Variants in ARIH2 observed in about 807,000 individuals in gnomAD.
ARIH2 encodes E3 ubiquitin-protein ligase ARIH2.
In ARIH2, 12 loss-of-function variants were observed where a neutral mutation model predicts 79.8. The ratio of observed to expected loss-of-function variants is 0.15; its 90% CI spans 0.10 to 0.24. ARIH2 has a LOEUF of 0.24. Among genes scored for constraint, ARIH2 ranks in the 10% least tolerant of loss-of-function variants. The pLI is 1.00. For synonymous variants in ARIH2, 224 were observed against 213.9 expected (o/e 1.05, Z -0.41); for missense variants, 301 against 618.3 (o/e 0.49, Z 5.44).
chr3:48,967,144 C>T lies in ARIH2; in HGVS notation c.407C>T (p.Pro136Leu). Reference protein sequence around the residue: ...PSKHVPTSHPPHHCAVCMQFV... With the variant: ...PSKHVPTSHPLHHCAVCMQFV... ...CTCCAGGTTCCCACATCCCATCCCCCTCACCACTGTGCAGTGTGTATGCAG... is the reference window on the plus strand; with the variant it reads ...CTCCAGGTTCCCACATCCCATCCCCTTCACCACTGTGCAGTGTGTATGCAG... Residue 136 changes from proline (P) to leucine (L), a missense_variant, in exon 6 of 16, where the codon CCT (proline) becomes CTT (leucine). By Grantham distance (98) the Pro-to-Leu change is moderately conservative. This residue lies in a region of ARIH2 where 223 missense variants were observed against 349.4 expected (regional missense o/e 0.64). Coordinates refer to ENST00000356401, the MANE Select transcript of ARIH2 (RefSeq NM_006321.4). 6.2e-7 allele frequency: 1 copy of T among 1,614,044 alleles called. No individual in the cohort carries two copies. Among genetic ancestry groups the T allele is most frequent in the Non-Finnish European group, 8.5e-7 (1 of 1,179,962 alleles).
intron 11 of ARIH2, among the ~76,000 whole-genome samples, chr3:48,977,910 C>T (rs1164520118): frequency 6.6e-6 from 1 of 152,092 alleles, no homozygotes; most frequent in African/African-American, 2.4e-5. Flanking sequence ...ATTCAAGAGC[C>T]TCATTTTTGG....
At chr3:48,956,943 C>T (rs190599855) in intron 3 of ARIH2, among the ~76,000 whole-genome samples, 3 of 151,938 alleles carry the variant, frequency 2.0e-5, no homozygotes, top group Non-Finnish European at 2.9e-5. Context: ...AAACTCCTGA[C>T]GTCAAGTGAT....
intron 3 of ARIH2, among the ~76,000 whole-genome samples, chr3:48,933,699 G>A (rs1202278430): frequency 6.6e-6 from 1 of 151,588 alleles, no homozygotes; most frequent in African/African-American, 2.4e-5. Context: ...ACAGGTGCCC[G>A]CCACCACACC....
intron 14 of ARIH2, 66 bp downstream of exon 14, chr3:48,981,794 T>C (rs373017282): frequency 1.5e-6 from 2 of 1,363,202 alleles, no homozygotes. Flanking sequence ...TACCAGCACT[T>C]TGCAGGAGAG....
chr3:48,959,098 C>T (rs1287004413), intron 3 of ARIH2, among the ~76,000 whole-genome samples: 1 of 151,828 alleles, frequency 6.6e-6, no homozygotes, highest in East Asian at 1.9e-4. Context: ...GGGTGGATCA[C>T]GAGGTCAGGA....
In ARIH2 at chr3:48,961,646, A is replaced by G. The variant is rs1185909845; in HGVS notation, c.290A>G (p.Asn97Ser). 6.2e-7 allele frequency: 1 copy of G among 1,610,822 alleles called. No individual in the cohort carries two copies. The highest frequency in any genetic ancestry group is 1.7e-5 in the Admixed American group (1 of 60,010). Residue 97 changes from asparagine to serine, a missense_variant, in exon 4 of 16, where the codon AAT (asparagine) becomes AGT (serine). By Grantham distance (46) the Asn-to-Ser change is conservative. Coordinates refer to ENST00000356401, the MANE Select transcript of ARIH2 (RefSeq NM_006321.4). Reference sequence around the variant, plus strand: ...TCAGTTGCTAAACTTATATTAGTTAATTTCCACTGGCAAGTTTCAGAGATA... The same window carrying G: ...TCAGTTGCTAAACTTATATTAGTTAGTTTCCACTGGCAAGTTTCAGAGATA... ...SHSVAKLILV[N>S]FHWQVSEILD...
chr3:48,930,101 C>A (rs1388425368), intron 3 of ARIH2, among the ~76,000 whole-genome samples: 1 of 152,112 alleles, frequency 6.6e-6, no homozygotes, highest in Non-Finnish European at 1.5e-5. Flanking sequence ...CATTTACTTT[C>A]TGGGGCTGGG....
At chr3:48,960,486 G>A (rs1015811395) in intron 3 of ARIH2, among the ~76,000 whole-genome samples, 1 of 151,104 alleles carries the variant, frequency 6.6e-6, no homozygotes, top group Non-Finnish European at 1.5e-5. Flanking sequence ...AAACCTGGCC[G>A]GGCACAATGG....
intron 5 of ARIH2, among the ~76,000 whole-genome samples, chr3:48,965,268 G>A (rs2091671236): frequency 6.6e-6 from 1 of 152,080 alleles, no homozygotes; most frequent in Non-Finnish European, 1.5e-5. Flanking sequence ...GCTAAGGCAG[G>A]AGAAAGGCGT....
intron 3 of ARIH2, among the ~76,000 whole-genome samples, chr3:48,957,991 G>A (rs1274493750): frequency 1.3e-5 from 2 of 152,180 alleles, no homozygotes; most frequent in Non-Finnish European, 2.9e-5. Context: ...TGGGATTACA[G>A]GTGTGAGCCA....
intron 3 of ARIH2, among the ~76,000 whole-genome samples, chr3:48,954,117 C>T (rs954764311): frequency 1.3e-5 from 2 of 151,548 alleles, no homozygotes; most frequent in Admixed American, 1.3e-4. Flanking sequence ...ACCAAGATCG[C>T]GCCATTGCAT....
At chr3:48,952,150 C>G (rs1485951311) in intron 3 of ARIH2, among the ~76,000 whole-genome samples, 1 of 152,112 alleles carries the variant, frequency 6.6e-6, no homozygotes, top group East Asian at 1.9e-4. Flanking sequence ...TTATTCAGTT[C>G]AAAACATTTT....
intron 3 of ARIH2, among the ~76,000 whole-genome samples, chr3:48,941,607 T>TG (rs1465857638): frequency 6.6e-5 from 10 of 150,764 alleles, no homozygotes; most frequent in Middle Eastern, 3.4e-3. Context: ...TTTTTTTTTT[T>TG]TTGGAGATGG....
rs576538446 is a variant in ARIH2, at chr3:48,966,535, T to C, written c.388-590T>C. ...TCCACATCCCCCCCGCCAATATTAATTACATGTGACATCTGGTGTATTAAG... is the reference window on the plus strand; with the variant it reads ...TCCACATCCCCCCCGCCAATATTAACTACATGTGACATCTGGTGTATTAAG... On this transcript the variant is annotated intron_variant, in intron 5 of 15. Transcript: ENST00000356401. Among the ~76,000 whole-genome samples, 195 of 152,260 alleles carry C rather than the reference T, an allele frequency of 1.3e-3. 1 individual carries two copies. The highest frequency in any genetic ancestry group is 4.5e-3 in the African/African-American group (188 of 41,562).
At chr3:48,971,783 C>T (rs938305343) in intron 8 of ARIH2, among the ~76,000 whole-genome samples, 5 of 152,180 alleles carry the variant, frequency 3.3e-5, no homozygotes, top group Admixed American at 2.6e-4. Context: ...TTAAATCCGG[C>T]AGCCCCCAGG....
intron 3 of ARIH2, among the ~76,000 whole-genome samples, chr3:48,956,927 G>A (rs1201986045): frequency 1.3e-5 from 2 of 151,716 alleles, no homozygotes; most frequent in East Asian, 3.9e-4. Context: ...CAACTTAGCT[G>A]GTCTCAAACT....
At position 48,968,611 on chromosome 3, in the gene ARIH2, T is replaced by C. The variant is rs568378339; in HGVS notation, c.616T>C (p.Leu206=). 4 of 1,611,614 alleles carry C rather than the reference T, an allele frequency of 2.5e-6. No homozygotes were observed. The highest frequency in any genetic ancestry group is 2.7e-5 in the African/African-American group (2 of 74,978). Reference sequence around the variant, plus strand: ...GTTTCCATTGCTTCCCAATGAAGAATTGAGAGAGAAATACAGGCGCTACCT... The same window carrying C: ...GTTTCCATTGCTTCCCAATGAAGAACTGAGAGAGAAATACAGGCGCTACCT... The part of the protein sequence containing the change: ...FVFPLLPNEE[L]REKYRRYLFR... Residue 206 remains leucine, a synonymous_variant, in exon 7 of 16, where the codon TTG becomes CTG. Transcript: ENST00000356401.
At chr3:48,924,333 TAGA>T (rs528612742) in intron 2 of ARIH2, among the ~76,000 whole-genome samples, 2 of 151,570 alleles carry the variant, frequency 1.3e-5, no homozygotes, top group South Asian at 2.1e-4. Flanking sequence ...TTTTTTTAAG[TAGA>T]AGATTATTTA....
chr3:48,950,071 A>G (rs1422019170), intron 3 of ARIH2, among the ~76,000 whole-genome samples: 1 of 152,016 alleles, frequency 6.6e-6, no homozygotes, highest in Non-Finnish European at 1.5e-5. Context: ...TTACATTTAG[A>G]TATGTGAACT....
Sources: gnomAD v4.1 joint callset for allele counts (sites outside exome capture counted in the v4.1 genomes callset) on GRCh38, gnomAD v4.1.1 for gene constraint, gnomAD v4.1.1 regional missense constraint, MANE v1.5 for transcripts, NCBI Gene and HGNC (gene_info 2026-07-23, HGNC 2026-07-21) for gene names.